Variants in NTN1 observed in about 807,000 individuals in gnomAD.
The protein encoded by NTN1 is netrin-1.
In NTN1, 11 loss-of-function variants were observed where a neutral mutation model predicts 54.2. The observed-to-expected ratio is 0.20, with a 90% CI of 0.13 to 0.34. NTN1 has a LOEUF of 0.34. Among genes scored for constraint, NTN1 ranks in the 10% least tolerant of loss-of-function variants. The probability of loss-of-function intolerance (pLI) is 1.00; values close to 1 mark genes in which losing one functional copy is unlikely to be tolerated. For missense variants in NTN1, 740 were observed against 893.1 expected, an observed-to-expected ratio of 0.83 and a Z score of 2.18; for synonymous variants, 371 against 382.0, an observed-to-expected ratio of 0.97 and a Z score of 0.33.
intron 2 of NTN1, among the ~76,000 whole-genome samples, chr17:9,134,868 C>G (rs924752093): frequency 1.3e-5 from 2 of 152,150 alleles, no homozygotes; most frequent in African/African-American, 4.8e-5. Context: ...CTCAATAAAG[C>G]GTCTTCCTCC....
At position 9,212,912 on chromosome 17, in the gene NTN1, C is replaced by T. The variant is rs1023006223; in HGVS notation, c.1412-8256C>T. ...CTTCAACCGTGGCCGCCGGGCTCTG[C>T]CTGCCATATGCTCAGAGATGAGCCT... On this transcript the variant is annotated intron_variant, in intron 5 of 6. Coordinates refer to ENST00000173229, the MANE Select transcript of NTN1 (RefSeq NM_004822.3). The surrounding 1 kb of genome is among the most constrained non-coding windows in gnomAD (Gnocchi z 5.5). Among the ~76,000 whole-genome samples, 2 of 152,254 alleles carry T rather than the reference C, an allele frequency of 1.3e-5. No homozygotes were observed. Among genetic ancestry groups the T allele is most frequent in the Admixed American group, 1.3e-4 (2 of 15,288 alleles).
chr17:9,236,129 G>GA (rs149118101), intron 6 of NTN1, among the ~76,000 whole-genome samples: 1 of 149,092 alleles, frequency 6.7e-6, no homozygotes, highest in Non-Finnish European at 1.5e-5. Context: ...GAATTTGGGG[G>GA]GGGGGGTACT....
At chr17:9,088,976 G>A (rs2092099239) in intron 2 of NTN1, among the ~76,000 whole-genome samples, 1 of 152,182 alleles carries the variant, frequency 6.6e-6, no homozygotes, top group Admixed American at 6.5e-5. Context: ...TCAGCCTCAT[G>A]CCTGGATCCT....
Position 9,022,460 on chromosome 17 carries a change from C to T in NTN1, c.87C>T (p.Ser29=), listed in dbSNP as rs2091853655. ...VGAVRGGPGL[S]MFAGQAAQPD... ...CGGTGCGCGGCGGGCCCGGGCTCAG[C>T]ATGTTCGCGGGCCAGGCGGCGCAGC... is the stretch of plus-strand genomic sequence containing the variant. The change falls in exon 2 of 7, where the codon AGC becomes AGT. Residue 29 remains serine (S), a synonymous_variant. Transcript: ENST00000173229. 3 of 1,515,964 alleles carry T rather than the reference C, an allele frequency of 2.0e-6. No individual in the cohort carries two copies. The highest frequency in any genetic ancestry group is 2.1e-5 in the Admixed American group (1 of 48,646). 93.9% of individuals were successfully genotyped at this position (1,515,964 alleles called of 1,614,324 possible).
At chr17:9,105,915 A>G (rs1057313645) in intron 2 of NTN1, among the ~76,000 whole-genome samples, 12 of 147,088 alleles carry the variant, frequency 8.2e-5, no homozygotes, top group Admixed American at 1.4e-4. Flanking sequence ...ATTCCGATTT[A>G]AAAAAAAAAA....
chr17:9,222,697 G>T (rs140183822), intron 6 of NTN1, among the ~76,000 whole-genome samples: 1 of 152,132 alleles, frequency 6.6e-6, no homozygotes, highest in East Asian at 1.9e-4. Context: ...CCCTGACCCC[G>T]TGGGGGTCCG....
chr17:9,125,579 G>T (rs184602205), intron 2 of NTN1, among the ~76,000 whole-genome samples: 2 of 151,922 alleles, frequency 1.3e-5, no homozygotes, highest in Admixed American at 1.3e-4. Flanking sequence ...TCACCATGTT[G>T]CCCAGTCTGG....
intron 2 of NTN1, among the ~76,000 whole-genome samples, chr17:9,063,190 G>A (rs564447191): frequency 1.3e-5 from 2 of 148,870 alleles, no homozygotes; most frequent in African/African-American, 5.2e-5. Flanking sequence ...TCCACCTCCC[G>A]GGTTCAAGTG....
chr17:9,103,906 C>T lies in NTN1; in HGVS notation c.1019-58907C>T, dbSNP rs375705008. 6.6e-5 allele frequency among the ~76,000 whole-genome samples: 10 copies of T among 151,536 alleles called. 1 individual carries two copies. The highest frequency in any genetic ancestry group is 3.4e-3 in the Middle Eastern group (1 of 294). On this transcript the variant is annotated intron_variant, in intron 2 of 6. Transcript: ENST00000173229. ...TTCAAGACCAGCCTGACCAACTTGGCGAAACTCCATCTCTACTAAAAAATA... is the reference window on the plus strand; with the variant it reads ...TTCAAGACCAGCCTGACCAACTTGGTGAAACTCCATCTCTACTAAAAAATA...
chr17:9,117,611 G>A (rs2142258412), intron 2 of NTN1, among the ~76,000 whole-genome samples: 1 of 152,116 alleles, frequency 6.6e-6, no homozygotes, highest in South Asian at 2.1e-4. Flanking sequence ...AGGTGTGGTG[G>A]TGCACACCTG....
intron 3 of NTN1, among the ~76,000 whole-genome samples, chr17:9,168,831 T>C (rs2092379796): frequency 6.6e-6 from 1 of 152,128 alleles, no homozygotes; most frequent in Admixed American, 6.5e-5. Context: ...ATTTATACTT[T>C]CATGTTTTTT....
At chr17:9,184,953 C>A (rs569505071) in intron 5 of NTN1, among the ~76,000 whole-genome samples, 26 of 152,366 alleles carry the variant, frequency 1.7e-4, no homozygotes, top group Non-Finnish European at 2.8e-4. Context: ...ACTTTTCGGA[C>A]TGCTTTTGAT....
chr17:9,174,575 C>T (rs568489597), intron 3 of NTN1: 5 of 152,372 alleles, frequency 3.3e-5, no homozygotes, highest in African/African-American at 1.2e-4. Context: ...TGCAGATAAC[C>T]GTCTTCTCCC....
At chr17:9,062,473 A>T (rs113438380) in intron 2 of NTN1, among the ~76,000 whole-genome samples, 4 of 152,226 alleles carry the variant, frequency 2.6e-5, no homozygotes, top group Non-Finnish European at 2.9e-5. Context: ...CCTCCCATCC[A>T]GTATTCTCAT....
At chr17:9,157,889 T>C (rs1297837220) in intron 2 of NTN1, among the ~76,000 whole-genome samples, 1 of 152,074 alleles carries the variant, frequency 6.6e-6, no homozygotes, top group Non-Finnish European at 1.5e-5. Flanking sequence ...TAATACCCAA[T>C]ATTTTTGCCT....
intron 6 of NTN1, among the ~76,000 whole-genome samples, chr17:9,223,641 G>T (rs1905439927): frequency 6.6e-6 from 1 of 152,204 alleles, no homozygotes; most frequent in African/African-American, 2.4e-5. Context: ...TGTCCCCTGG[G>T]GACTGTTAGG....
At position 9,242,955 on chromosome 17, in the gene NTN1, G is replaced by A. The variant is rs1242789676; in HGVS notation, c.*2987G>A. 6.6e-6 allele frequency: 1 copy of A among 152,208 alleles called. No homozygotes were observed. The highest frequency in any genetic ancestry group is 1.5e-5 in the Non-Finnish European group (1 of 68,036). The allele number at this position is 152,208 out of a possible 1,614,324, so 9.4% of individuals were successfully genotyped here. ...CGGAACTAGATTTTGATTTTGAAGA[G>A]TGTATTAACCAGAATTGTGCTATGT... On this transcript the variant is annotated 3_prime_UTR_variant, in exon 7 of 7. Transcript: ENST00000173229.
At chr17:9,223,493 A>C (rs976206167) in intron 6 of NTN1, among the ~76,000 whole-genome samples, 1 of 152,152 alleles carries the variant, frequency 6.6e-6, no homozygotes, top group Non-Finnish European at 1.5e-5. Context: ...CAGAGGTTGC[A>C]GTGAGCTGAG....
rs1905116876 is a variant in NTN1 at position 9,211,927 on chromosome 17, T to G, written c.1412-9241T>G. ...TATGTGAAAGACACCAGTCCTTGGC[T>G]TCCTGTGTTACAAACATTTTGGGCT... is the stretch of plus-strand genomic sequence containing the variant. On this transcript the variant is annotated intron_variant, in intron 5 of 6. Transcript: ENST00000173229. This position sits in a 1 kb window ranked among gnomAD's most constrained non-coding sequence, Gnocchi z 4.4. Among the ~76,000 whole-genome samples the G allele has an allele frequency of 6.6e-6, 1 of 152,244 alleles. No homozygotes were observed. Among genetic ancestry groups the G allele is most frequent in the Non-Finnish European group, 1.5e-5 (1 of 68,036 alleles).
Sources: allele counts gnomAD v4.1 joint callset (sites outside exome capture counted in the v4.1 genomes callset), GRCh38; gene constraint gnomAD v4.1.1; non-coding constraint Gnocchi (gnomAD v3.1); transcripts MANE v1.5; gene names NCBI Gene and HGNC (gene_info 2026-07-23, HGNC 2026-07-21).